The following CTNNA2 variants were observed in gnomAD, a reference collection of about 807,000 sequenced individuals.
CTNNA2 encodes catenin alpha-2.
In CTNNA2, 42 loss-of-function variants were observed where a neutral mutation model predicts 101.0. That is an observed-to-expected ratio of 0.42 (90% CI 0.32 to 0.54). The LOEUF (loss-of-function observed/expected upper bound fraction) is 0.54, where lower values mean the gene tolerates loss of function less well. Ranked by LOEUF, CTNNA2 falls within the 20% of genes least tolerant of loss-of-function variation. The probability of loss-of-function intolerance (pLI) is 0.14; values close to 1 mark genes in which losing one functional copy is unlikely to be tolerated. For synonymous variants in CTNNA2, 450 were observed against 456.4 expected (o/e 0.99, Z 0.18); for missense variants, 871 against 1,223.1 (o/e 0.71, Z 4.29).
intron 7 of CTNNA2, among the ~76,000 whole-genome samples, chr2:80,356,237 G>A (rs1673783101): frequency 6.6e-6 from 1 of 152,132 alleles, no homozygotes; most frequent in South Asian, 2.1e-4. Flanking sequence ...CAGGTAAGTG[G>A]ATTTAACCTC....
chr2:80,448,026 A>G (rs1323059343), intron 9 of CTNNA2, among the ~76,000 whole-genome samples: 2 of 152,224 alleles, frequency 1.3e-5, no homozygotes, highest in Non-Finnish European at 2.9e-5. Context: ...ACTAAACTCA[A>G]CAAATCAGAG....
At chr2:80,013,858 C>A (rs1025672953) in intron 7 of CTNNA2, among the ~76,000 whole-genome samples, 3 of 152,210 alleles carry the variant, frequency 2.0e-5, no homozygotes, top group African/African-American at 7.2e-5. Flanking sequence ...AACGAATTCT[C>A]TCTGCTGGCT....
At chr2:80,011,179 G>A (rs1693751230) in intron 7 of CTNNA2, among the ~76,000 whole-genome samples, 1 of 152,076 alleles carries the variant, frequency 6.6e-6, no homozygotes, top group African/African-American at 2.4e-5. Context: ...CTTCCAAAAT[G>A]TAATGCATTA....
At chr2:80,142,640 G>A (rs1248649633) in intron 7 of CTNNA2, among the ~76,000 whole-genome samples, 1 of 152,210 alleles carries the variant, frequency 6.6e-6, no homozygotes, top group African/African-American at 2.4e-5. Context: ...TATGAGCAAT[G>A]AGGCCATACA....
At chr2:80,468,741 AC>A in intron 9 of CTNNA2, among the ~76,000 whole-genome samples, 1 of 152,096 alleles carries the variant, frequency 6.6e-6, no homozygotes, top group African/African-American at 2.4e-5. Context: ...TAATATTAGT[AC>A]CCATTTCTGT....
At chr2:80,601,279 A>G (rs867133583) in intron 15 of CTNNA2, among the ~76,000 whole-genome samples, 12 of 152,222 alleles carry the variant, frequency 7.9e-5, no homozygotes, top group African/African-American at 2.6e-4. Context: ...GGGAATATCA[A>G]TATTATGTAA....
At chr2:80,117,757 G>A (rs547750803) in intron 7 of CTNNA2, among the ~76,000 whole-genome samples, 2 of 152,266 alleles carry the variant, frequency 1.3e-5, no homozygotes, top group East Asian at 3.9e-4. Flanking sequence ...AGCCTCCAGT[G>A]AGTGCACTTC....
chr2:79,530,272 T>C (rs1233464919), intron 1 of CTNNA2, among the ~76,000 whole-genome samples: 7 of 152,196 alleles, frequency 4.6e-5, no homozygotes, highest in African/African-American at 1.7e-4. Flanking sequence ...GTGCAAAATA[T>C]GTTTTCAGTA....
At chr2:79,410,652 A>G (rs1678399309) in intron 4 of CTNNA2, among the ~76,000 whole-genome samples, 1 of 151,516 alleles carries the variant, frequency 6.6e-6, no homozygotes, top group Non-Finnish European at 1.5e-5. Context: ...GATGAAGCCC[A>G]CTTGATCATG....
chr2:79,297,902 A>T (rs901362801), intron 2 of CTNNA2, among the ~76,000 whole-genome samples: 2 of 152,206 alleles, frequency 1.3e-5, no homozygotes, highest in African/African-American at 2.4e-5. Flanking sequence ...GCAAATAGTT[A>T]CTCATCTATC....
At chr2:80,480,666 C>G (rs1175176849) in intron 9 of CTNNA2, among the ~76,000 whole-genome samples, 1 of 152,128 alleles carries the variant, frequency 6.6e-6, no homozygotes, top group Non-Finnish European at 1.5e-5. Context: ...AGAACCTTTC[C>G]TACCTAAAAT....
At chr2:79,914,647 T>C (rs1381493857) in intron 7 of CTNNA2, among the ~76,000 whole-genome samples, 1 of 152,194 alleles carries the variant, frequency 6.6e-6, no homozygotes, top group Non-Finnish European at 1.5e-5. Flanking sequence ...GTTAAACTAT[T>C]TTCAAATGAT....
At chr2:79,886,492 C>A (rs1349235863) in intron 6 of CTNNA2, among the ~76,000 whole-genome samples, 2 of 151,860 alleles carry the variant, frequency 1.3e-5, no homozygotes, top group African/African-American at 4.8e-5. Flanking sequence ...TGGCTCACGC[C>A]TGTAATCCCA....
chr2:79,656,387 C>T (rs1432787860), intron 2 of CTNNA2, among the ~76,000 whole-genome samples: 5 of 152,018 alleles, frequency 3.3e-5, no homozygotes, highest in African/African-American at 1.2e-4. Flanking sequence ...ATGAATTGAA[C>T]AAAATTCATA....
chr2:79,738,315 G>A (rs1671042840), intron 2 of CTNNA2, among the ~76,000 whole-genome samples: 1 of 152,178 alleles, frequency 6.6e-6, no homozygotes, highest in Non-Finnish European at 1.5e-5. Flanking sequence ...TTAAGGAGAG[G>A]CAGAGAGATT....
intron 7 of CTNNA2, among the ~76,000 whole-genome samples, chr2:80,156,933 C>T (rs75986676): frequency 0.018 from 2,810 of 152,240 alleles, 34 homozygotes; most frequent in East Asian, 0.048. Context: ...TTTATCTTAT[C>T]CAAAATGAAG....
At chr2:80,488,791 T>C (rs941081519) in intron 9 of CTNNA2, among the ~76,000 whole-genome samples, 115 of 152,310 alleles carry the variant, frequency 7.6e-4, no homozygotes, top group African/African-American at 2.6e-3. Flanking sequence ...CTGCCAAAGA[T>C]GGATACAAGG....
At chr2:80,213,172 A>G (rs113944731) in intron 7 of CTNNA2, among the ~76,000 whole-genome samples, 4,477 of 151,968 alleles carry the variant, frequency 0.029, 235 homozygotes, top group African/African-American at 0.1. Context: ...CAGCTACTGG[A>G]TTCATTGATT....
intron 2 of CTNNA2, among the ~76,000 whole-genome samples, chr2:79,688,775 T>C (rs1016158748): frequency 2.0e-5 from 3 of 152,100 alleles, no homozygotes; most frequent in Admixed American, 1.3e-4. Flanking sequence ...GTTTCACTGA[T>C]CTGGAGGGAC....
Sources: gnomAD v4.1 joint callset for allele counts (sites outside exome capture counted in the v4.1 genomes callset) on GRCh38, gnomAD v4.1.1 for gene constraint, MANE v1.5 for transcripts, NCBI Gene and HGNC (gene_info 2026-07-23, HGNC 2026-07-21) for gene names.